The following RBFOX1 variants were observed in gnomAD, a reference collection of about 807,000 sequenced individuals.
RBFOX1 encodes the protein RNA binding fox-1 homolog 1, also known as RNA binding protein fox-1 homolog 1.
A neutral mutation model predicts 57.7 loss-of-function variants in RBFOX1; 8 were observed. The ratio of observed to expected loss-of-function variants is 0.14; its 90% confidence interval spans 0.08 to 0.25. RBFOX1 has a LOEUF of 0.25. RBFOX1 is among the 10% of genes least tolerant of loss of function. RBFOX1 has a pLI of 1.00. For missense variants in RBFOX1, 611 were observed against 548.5 expected, an observed-to-expected ratio of 1.11 and a Z score of -1.14; for synonymous variants, 326 against 222.4, an observed-to-expected ratio of 1.47 and a Z score of -4.15.
At position 7,094,471 on chromosome 16, in the gene RBFOX1, A is replaced by G. The variant is rs138476914; in HGVS notation, c.27+42373A>G. ...TTTGGAGACATGCAATGCTATTTCA[A>G]GTGGTTCTGGGGACTGGATAGAATA... is the stretch of plus-strand genomic sequence containing the variant. On this transcript the variant is annotated intron_variant, in intron 4 of 15. Coordinates refer to ENST00000550418, the MANE Select transcript of RBFOX1 (RefSeq NM_018723.4). 4.9e-3 allele frequency among the ~76,000 whole-genome samples: 749 copies of G among 152,226 alleles called. 4 individuals carry two copies. The highest frequency in any genetic ancestry group is 6.8e-3 in the Middle Eastern group (2 of 294).
chr16:6,987,849 T>C lies in RBFOX1; in HGVS notation c.-15-64208T>C, dbSNP rs976532417. On this transcript the variant is annotated intron_variant, in intron 3 of 15. Coordinates refer to ENST00000550418, the MANE Select transcript of RBFOX1 (RefSeq NM_018723.4). ...AGAAGAGATTAGAAATCCAGGTTTA[T>C]TGGGAGGGCATCTCAAAGCAGCCAC... Among the ~76,000 whole-genome samples the C allele has an allele frequency of 2.0e-5, 3 of 152,146 alleles. No homozygotes were observed. In the East Asian group the frequency reaches 5.8e-4, roughly 29 times the overall value.
rs375275037 is a variant in RBFOX1, at chr16:6,998,615, T to G, written c.-15-53442T>G. 9.2e-5 allele frequency among the ~76,000 whole-genome samples: 14 copies of G among 152,324 alleles called. 1 individual carries two copies. Among genetic ancestry groups the G allele is most frequent in the Admixed American group, 5.2e-4 (8 of 15,304 alleles). On this transcript the variant is annotated intron_variant, in intron 3 of 15. Transcript: ENST00000550418. The stretch of plus-strand genomic sequence containing the variant: ...TATCATTGTGATCGATGACTTTTGT[T>G]GCTTTTTGGTGTCTCCAAATTGCAA...
intron 3 of RBFOX1, among the ~76,000 whole-genome samples, chr16:5,777,147 C>G (rs1290850008): frequency 6.6e-6 from 1 of 152,106 alleles, no homozygotes; most frequent in Non-Finnish European, 1.5e-5. Flanking sequence ...CTGGAGGTCA[C>G]AAGTCCCAAA....
intron 1 of RBFOX1, among the ~76,000 whole-genome samples, chr16:6,228,175 G>C (rs566087553): frequency 3.3e-5 from 5 of 152,032 alleles, no homozygotes; most frequent in Admixed American, 3.3e-4. Context: ...TCTAGGCTTG[G>C]TGACACGCGC....
chr16:6,707,069 G>C (rs1414443501), intron 3 of RBFOX1, among the ~76,000 whole-genome samples: 1 of 152,102 alleles, frequency 6.6e-6, no homozygotes, highest in African/African-American at 2.4e-5. Context: ...CATCATTTTG[G>C]TATAATCTCT....
At position 6,095,309 on chromosome 16, in the gene RBFOX1, T is replaced by C. The variant is rs527288633; in HGVS notation, c.-127+75317T>C. Among the ~76,000 whole-genome samples, 7 of 152,330 alleles carry C rather than the reference T, an allele frequency of 4.6e-5. No individual in the cohort carries two copies. In the South Asian group the frequency reaches 1.5e-3, roughly 32 times the overall value. On this transcript the variant is annotated intron_variant, in intron 1 of 15. Transcript: ENST00000550418. ...AGATGCTAAATCCTTCATGGGTTTG[T>C]AAGTGACCAGGGGATATTTAGGACA... is the stretch of plus-strand genomic sequence containing the variant.
intron 2 of RBFOX1, among the ~76,000 whole-genome samples, chr16:6,634,592 ATAT>A (rs1361728135): frequency 1.4e-5 from 2 of 147,232 alleles, no homozygotes; most frequent in African/African-American, 2.5e-5. Flanking sequence ...CAAATATATA[ATAT>A]TAATCTATGT....
At chr16:7,693,678 G>A (rs543225402) in intron 14 of RBFOX1, among the ~76,000 whole-genome samples, 1 of 152,180 alleles carries the variant, frequency 6.6e-6, no homozygotes, top group East Asian at 1.9e-4. Context: ...GGTAAAATAG[G>A]GAACAGGAAG....
chr16:7,348,577 A>T (rs908410087), intron 4 of RBFOX1, among the ~76,000 whole-genome samples: 13 of 152,226 alleles, frequency 8.5e-5, no homozygotes, highest in Admixed American at 4.6e-4. Flanking sequence ...AAATGACATT[A>T]CTTTAGTCAG....
intron 4 of RBFOX1, among the ~76,000 whole-genome samples, chr16:7,216,519 G>T (rs2092072320): frequency 6.6e-6 from 1 of 152,046 alleles, no homozygotes; most frequent in African/African-American, 2.4e-5. Flanking sequence ...CTACTTCATG[G>T]GTTATTGTAA....
chr16:7,363,753 C>T (rs775018057), intron 4 of RBFOX1, among the ~76,000 whole-genome samples: 1 of 152,050 alleles, frequency 6.6e-6, no homozygotes, highest in African/African-American at 2.4e-5. Context: ...TTTAATGATT[C>T]TTCTATAGAC....
Position 5,789,740 on chromosome 16 carries a change from G to A in RBFOX1, c.319-77563G>A, listed in dbSNP as rs531345020. ...AAAAATGTTAAATAATCTGCCATAA[G>A]TTCCCAGGCTCACAAGTGTCTAAGC... On this transcript the variant is annotated intron_variant, in intron 3 of 19. Coordinates refer to the RBFOX1 transcript ENST00000641259. Among the ~76,000 whole-genome samples the A allele has an allele frequency of 2.0e-5, 3 of 152,260 alleles. No individual in the cohort carries two copies. The East Asian group carries it at 5.8e-4, about 29-fold the overall frequency.
intron 3 of RBFOX1, among the ~76,000 whole-genome samples, chr16:6,995,395 T>G (rs1249412661): frequency 6.6e-6 from 1 of 151,850 alleles, no homozygotes; most frequent in African/African-American, 2.4e-5. Flanking sequence ...TTTCACTTTA[T>G]TATTGTGACG....
At chr16:5,423,732 CTCATAGAATCA>C (rs2067427124) in intron 1 of RBFOX1, among the ~76,000 whole-genome samples, 3 of 152,276 alleles carry the variant, frequency 2.0e-5, no homozygotes, top group African/African-American at 7.2e-5. Context: ...CTTTGAGTGG[CTCATAGAATCA>C]TCTTGTGAAA....
At chr16:7,392,052 C>G (rs1260360112) in intron 4 of RBFOX1, among the ~76,000 whole-genome samples, 3 of 152,226 alleles carry the variant, frequency 2.0e-5, no homozygotes, top group Non-Finnish European at 4.4e-5. Flanking sequence ...TCATTTGCCA[C>G]CACAATACTT....
At chr16:5,745,652 G>C (rs182610291) in intron 3 of RBFOX1, among the ~76,000 whole-genome samples, 3 of 152,184 alleles carry the variant, frequency 2.0e-5, no homozygotes, top group Non-Finnish European at 2.9e-5. Context: ...GTGTGAGATG[G>C]TATCTCATTG....
intron 3 of RBFOX1, among the ~76,000 whole-genome samples, chr16:6,898,467 A>C (rs571484374): frequency 2.0e-5 from 3 of 152,300 alleles, no homozygotes; most frequent in East Asian, 3.9e-4. Flanking sequence ...TCAATTATTT[A>C]AGTCTCATAA....
chr16:7,052,996 G>A (rs2346245), intron 4 of RBFOX1, among the ~76,000 whole-genome samples: 17,637 of 152,198 alleles, frequency 0.12, 1,183 homozygotes, highest in Non-Finnish European at 0.14. Context: ...GGGATTTGGC[G>A]TTAGGAAACT....
chr16:6,252,882 G>A (rs1178267380), intron 1 of RBFOX1, among the ~76,000 whole-genome samples: 2 of 152,102 alleles, frequency 1.3e-5, no homozygotes, highest in South Asian at 2.1e-4. Context: ...CATCTAGATG[G>A]CTAATAATAG....
Sources: allele counts gnomAD v4.1 joint callset (sites outside exome capture counted in the v4.1 genomes callset), GRCh38; gene constraint gnomAD v4.1.1; transcripts MANE v1.5; gene names NCBI Gene and HGNC (gene_info 2026-07-23, HGNC 2026-07-21).